Variants in FLT4 observed in about 807,000 individuals in gnomAD.
FLT4 encodes the protein fms related receptor tyrosine kinase 4.
Under a neutral mutation model 163.2 loss-of-function variants are expected in FLT4, and 30 were observed. The ratio of observed to expected loss-of-function variants is 0.18; its 90% CI spans 0.14 to 0.25. FLT4 has a LOEUF of 0.25. FLT4 is among the 10% of genes least tolerant of loss of function. The pLI, the probability that FLT4 is intolerant of heterozygous loss-of-function variation, is 1.00. For missense variants in FLT4, 1,510 were observed against 1,863.8 expected, an observed-to-expected ratio of 0.81 and a Z score of 3.50; for synonymous variants, 884 against 789.5, an observed-to-expected ratio of 1.12 and a Z score of -2.01.
chr5:180,616,220 G>T, intron 23 of FLT4, 147 bp downstream of exon 23: 2 of 1,140,044 alleles, frequency 1.8e-6, no homozygotes, highest in Non-Finnish European at 2.6e-6. Context: ...GGGGCAGGAG[G>T]TCCACCAGCA....
chr5:180,610,424 G>C (rs995863933), intron 27 of FLT4, among the ~76,000 whole-genome samples: 1 of 152,256 alleles, frequency 6.6e-6, no homozygotes, highest in Non-Finnish European at 1.5e-5. Context: ...GTTTGTGGAA[G>C]GAGCCTGGCA....
chr5:180,603,356 T>G lies in FLT4; in HGVS notation c.3928A>C (p.Arg1310=), dbSNP rs1253097308. The G allele has an allele frequency of 7.4e-6, 12 of 1,613,952 alleles. No homozygotes were observed. Among genetic ancestry groups the G allele is most frequent in the Middle Eastern group, 1.6e-4 (1 of 6,076 alleles). ...KGPGQNVAVT[R]AHPDSQGRRR... is the part of the protein sequence containing the mutation. Reference sequence around the variant, plus strand: ...CTCCCTTGGGAGTCAGGGTGTGCCCTGGTCACAGCCACATTCTGGCCAGGT... The same window carrying G: ...CTCCCTTGGGAGTCAGGGTGTGCCCGGGTCACAGCCACATTCTGGCCAGGT... The change falls in exon 30 of 30, where the codon AGG becomes CGG. Residue 1310 remains arginine, a synonymous_variant. Coordinates refer to ENST00000261937, the MANE Select transcript of FLT4 (RefSeq NM_182925.5).
chr5:180,646,609 G>C (rs73812650), intron 1 of FLT4, among the ~76,000 whole-genome samples: 1,990 of 152,256 alleles, frequency 0.013, 45 homozygotes, highest in African/African-American at 0.046. Flanking sequence ...GCCTCACCAG[G>C]GCCCCTGAAC....
chr5:180,643,415 C>G (rs1020700989), intron 1 of FLT4, among the ~76,000 whole-genome samples: 2 of 152,224 alleles, frequency 1.3e-5, no homozygotes, highest in African/African-American at 2.4e-5. Flanking sequence ...CAGAACCCCT[C>G]CCGGGCATTG....
In FLT4 at chr5:180,618,810, C is replaced by A; in HGVS notation, c.2961G>T (p.Lys987Asn). The A allele has an allele frequency of 6.3e-7, 1 of 1,586,730 alleles. No homozygotes were observed. Among genetic ancestry groups the A allele is most frequent in the Non-Finnish European group, 8.6e-7 (1 of 1,167,302 alleles). The change falls in exon 21 of 30, where the codon AAG becomes AAT. Residue 987 changes from lysine (K) to asparagine (N), a missense_variant. This residue lies in a region of FLT4 where 878 missense variants were observed against 1,016.7 expected (regional missense o/e 0.86). Transcript: ENST00000261937. ...AAGCCCGCCTCGCTCCGCCCTCGGT[C>A]TTCGAGAACCGCGCGAAGAGGACCC... ...SDRVLFARFS[K>N]TEGGARRASP...
chr5:180,621,431 C>T, intron 13 of FLT4, 111 bp downstream of exon 13: 1 of 1,490,696 alleles, frequency 6.7e-7, no homozygotes, highest in Non-Finnish European at 9.0e-7. Flanking sequence ...GTAGCTCCTG[C>T]AGGCCAGGGC....
Position 180,619,027 on chromosome 5 carries a change from G to A in FLT4, c.2844C>T (p.Pro948=). 6.4e-7 allele frequency: 1 copy of A among 1,552,108 alleles called. No individual in the cohort carries two copies. ...CCGCAGGCCGCCCGCTCACCGCGCA[G>A]GGGCTGAAGGCGTCCCGCTTGGCGC... is the stretch of plus-strand genomic sequence containing the variant. ...FLRAKRDAFS[P]CAEKSPEQRG... The change falls in exon 20 of 30, where the codon CCC becomes CCT. Residue 948 remains proline (P), a synonymous_variant. Transcript: ENST00000261937.
In FLT4 at chr5:180,626,168, G is replaced by C; in HGVS notation, c.1201C>G (p.Leu401Val). ...CTCAGGCCAGCAGCGGAGTTCCACAGGGCGAGGGTGTAGGTGCCTGTGCTG... is the reference window on the plus strand; with the variant it reads ...CTCAGGCCAGCAGCGGAGTTCCACACGGCGAGGGTGTAGGTGCCTGTGCTG... Reference protein sequence around the residue: ...EASTGTYTLALWNSAAGLRRN... With the variant: ...EASTGTYTLAVWNSAAGLRRN... Residue 401 changes from leucine to valine, a missense_variant, in exon 9 of 30, where the codon CTG becomes GTG. Transcript: ENST00000261937. 1 of 1,612,876 alleles carries C rather than the reference G, an allele frequency of 6.2e-7. No homozygotes were observed. Among genetic ancestry groups the C allele is most frequent in the Non-Finnish European group, 8.5e-7 (1 of 1,180,018 alleles).
intron 1 of FLT4, among the ~76,000 whole-genome samples, chr5:180,646,371 G>A (rs1001496121): frequency 6.6e-6 from 1 of 152,012 alleles, no homozygotes; most frequent in African/African-American, 2.4e-5. Flanking sequence ...TGGCACTGCC[G>A]CATCTCCAGC....
chr5:180,632,753 T>C (rs1764284895), intron 1 of FLT4, among the ~76,000 whole-genome samples: 1 of 152,116 alleles, frequency 6.6e-6, no homozygotes, highest in Admixed American at 6.5e-5. Context: ...GCATGCATGT[T>C]TGTGTATCTC....
chr5:180,611,563 C>G, intron 26 of FLT4, 84 bp from the exon 27 acceptor site: 1 of 1,427,538 alleles, frequency 7.0e-7, no homozygotes. Context: ...CCCTCACCCC[C>G]GCCCTCAGCC....
At chr5:180,640,004 C>T (rs1764981757) in intron 1 of FLT4, among the ~76,000 whole-genome samples, 1 of 152,202 alleles carries the variant, frequency 6.6e-6, no homozygotes, top group Non-Finnish European at 1.5e-5. Flanking sequence ...AGAATGCATA[C>T]CTCCTCTTCT....
intron 26 of FLT4, 43 bp from the exon 27 acceptor site, chr5:180,611,522 C>T (rs777107395): frequency 6.2e-7 from 1 of 1,609,910 alleles, no homozygotes; most frequent in South Asian, 1.1e-5. Flanking sequence ...AACCACCAGC[C>T]ACTGCCCTCA....
Position 180,619,246 on chromosome 5 carries a change from T to C in FLT4, c.2761+7A>G, listed in dbSNP as rs1762923738. 3.1e-6 allele frequency: 5 copies of C among 1,604,898 alleles called. No individual in the cohort carries two copies. The highest frequency in any genetic ancestry group is 4.3e-6 in the Non-Finnish European group (5 of 1,176,296). ...CTCGCCGTCCCAGCGGGCCGCCCGC[T>C]CCGTACCCTGCGGCTTGGTGCACGC... is the stretch of plus-strand genomic sequence containing the variant. On this transcript the variant is annotated splice_region_variant and intron_variant, in intron 19 of 29. Transcript: ENST00000261937.
intron 21 of FLT4, among the ~76,000 whole-genome samples, chr5:180,618,400 CTCCT>C (rs1762837566): frequency 9.4e-6 from 1 of 106,868 alleles, no homozygotes; most frequent in Non-Finnish European, 2.1e-5. Flanking sequence ...CCCTCTCCTG[CTCCT>C]CAGCCTCTGG....
chr5:180,623,097 G>A lies in FLT4; in HGVS notation c.1549-258C>T, dbSNP rs900804582. ...GACTGCTGGCCTAGGCTGCAGTGAC[G>A]TCAGAGGGCAGCCTTTGGCAGGACC... On this transcript the variant is annotated intron_variant, in intron 11 of 29. Transcript: ENST00000261937. This position sits in a 1 kb window ranked among gnomAD's most constrained non-coding sequence, Gnocchi z 5.8. 1.2e-4 allele frequency among the ~76,000 whole-genome samples: 19 copies of A among 152,206 alleles called. No individual in the cohort carries two copies. The highest frequency in any genetic ancestry group is 3.8e-4 in the East Asian group (2 of 5,202).
Position 180,615,097 on chromosome 5 carries a change from G to A in FLT4, c.3220-918C>T, listed in dbSNP as rs372919017. Among the ~76,000 whole-genome samples, 5 of 152,240 alleles carry A rather than the reference G, an allele frequency of 3.3e-5. No homozygotes were observed. In the East Asian group the frequency reaches 9.7e-4, roughly 29 times the overall value. ...GGACCCACCGCACGGAGCAAGGCGC[G>A]GGGCAAAGACAAGCTCCAATCAGAA... On this transcript the variant is annotated intron_variant, in intron 23 of 29. Transcript: ENST00000261937.
At chr5:180,632,933 C>A (rs891361852) in intron 1 of FLT4, among the ~76,000 whole-genome samples, 3 of 152,028 alleles carry the variant, frequency 2.0e-5, no homozygotes, top group Non-Finnish European at 2.9e-5. Context: ...CCCAGGGCTG[C>A]GTCCTGTCCC....
intron 1 of FLT4, among the ~76,000 whole-genome samples, chr5:180,648,299 C>T (rs946478760): frequency 1.3e-4 from 20 of 152,206 alleles, no homozygotes; most frequent in Non-Finnish European, 4.4e-5. Context: ...CTCTCCTGTC[C>T]TCTGCCCTTC....
Sources: gnomAD v4.1 joint callset for allele counts (sites outside exome capture counted in the v4.1 genomes callset) on GRCh38, gnomAD v4.1.1 for gene constraint, gnomAD v4.1.1 regional missense constraint, Gnocchi (gnomAD v3.1) non-coding constraint, MANE v1.5 for transcripts, NCBI Gene and HGNC (gene_info 2026-07-23, HGNC 2026-07-21) for gene names.